AUH: variants seen among roughly 807,000 people sequenced by gnomAD.
AUH encodes the protein methylglutaconyl-CoA hydratase, mitochondrial.
AUH carries 29 observed loss-of-function variants against 42.3 expected under a neutral mutation model. The ratio of observed to expected loss-of-function variants is 0.69; its 90% CI spans 0.51 to 0.93. The LOEUF is 0.93. AUH is among the 40% of genes least tolerant of loss of function. The probability of loss-of-function intolerance (pLI) is 0.00; values close to 1 mark genes in which losing one functional copy is unlikely to be tolerated. For missense variants in AUH, 452 were observed against 438.1 expected (o/e 1.03, Z -0.28); for synonymous variants, 174 against 166.4 (o/e 1.05, Z -0.35).
chr9:91,217,631 A>G (rs1435401796), intron 7 of AUH, among the ~76,000 whole-genome samples: 3 of 152,176 alleles, frequency 2.0e-5, no homozygotes, highest in African/African-American at 4.8e-5. Context: ...ACTTCCTAGA[A>G]GTTAAGTAGA....
Position 91,355,968 on chromosome 9 carries a change from T to G in AUH, c.333A>C (p.Leu111=). 6.2e-6 allele frequency: 10 copies of G among 1,612,496 alleles called. No individual in the cohort carries two copies. The highest frequency in any genetic ancestry group is 8.5e-6 in the Non-Finnish European group (10 of 1,179,206). ...ATTTCAAAGCATCCACAGCTTTTGA[T>G]AGCTAAACAGAAATAGGAAGCATAG... is the stretch of plus-strand genomic sequence containing the variant. ...NSLSKNLIKM[L]SKAVDALKSD... Residue 111 remains leucine, a splice_region_variant and synonymous_variant, in exon 3 of 10, where the codon CTA becomes CTC. Coordinates refer to ENST00000375731, the MANE Select transcript of AUH (RefSeq NM_001698.3).
At chr9:91,252,641 T>A (rs1810158764) in intron 6 of AUH, among the ~76,000 whole-genome samples, 1 of 152,162 alleles carries the variant, frequency 6.6e-6, no homozygotes, top group Non-Finnish European at 1.5e-5. Context: ...GGCACCTGGA[T>A]TACCAAAGAG....
chr9:91,221,322 C>T (rs1482723728), intron 6 of AUH, among the ~76,000 whole-genome samples: 2 of 152,182 alleles, frequency 1.3e-5, no homozygotes, highest in Non-Finnish European at 2.9e-5. Context: ...ATAGGCAGTA[C>T]CAGCCAGTAA....
chr9:91,307,141 G>T (rs1023852052), intron 4 of AUH, among the ~76,000 whole-genome samples: 1 of 152,194 alleles, frequency 6.6e-6, no homozygotes, highest in Non-Finnish European at 1.5e-5. Context: ...TTCTGGAGGT[G>T]ATGGACATAT....
chr9:91,241,879 T>G (rs559974937), intron 6 of AUH, among the ~76,000 whole-genome samples: 3 of 152,244 alleles, frequency 2.0e-5, no homozygotes, highest in Admixed American at 2.0e-4. Flanking sequence ...GCATAAACCA[T>G]GTAGTCTGTT....
chr9:91,348,646 G>A (rs757473684), intron 3 of AUH, among the ~76,000 whole-genome samples: 10 of 152,266 alleles, frequency 6.6e-5, no homozygotes, highest in Admixed American at 2.0e-4. Flanking sequence ...AAAGAGGTCA[G>A]ACACAAAAGA....
chr9:91,359,358 A>G (rs1336983878), intron 1 of AUH, among the ~76,000 whole-genome samples: 1 of 152,244 alleles, frequency 6.6e-6, no homozygotes, highest in Non-Finnish European at 1.5e-5. Context: ...ACGTATCTAC[A>G]TACAGAAATA....
intron 6 of AUH, among the ~76,000 whole-genome samples, chr9:91,285,674 C>T (rs1826346112): frequency 6.6e-6 from 1 of 152,122 alleles, no homozygotes; most frequent in Admixed American, 6.6e-5. Flanking sequence ...GTTTATTCCA[C>T]AGCTACTAAC....
chr9:91,221,004 A>G lies in AUH; in HGVS notation c.656-12T>C, dbSNP rs1564006256. On this transcript the variant is annotated splice_polypyrimidine_tract_variant and intron_variant, in intron 6 of 9. Transcript: ENST00000375731. ...TCGCTGTGTCCCCCCTGAGGGGTGA[A>G]AGAGAGAGAAAAGGCAATGATTTGA... is the stretch of plus-strand genomic sequence containing the variant. 7 of 1,613,928 alleles carry G rather than the reference A, an allele frequency of 4.3e-6. No homozygotes were observed. In the East Asian group the frequency reaches 8.9e-5, roughly 21 times the overall value.
At chr9:91,320,132 G>A (rs2131827644) in intron 4 of AUH, among the ~76,000 whole-genome samples, 1 of 152,104 alleles carries the variant, frequency 6.6e-6, no homozygotes, top group East Asian at 1.9e-4. Flanking sequence ...TTGGACATAT[G>A]GTAATTGTAT....
chr9:91,239,300 G>A (rs1419225118), intron 6 of AUH, among the ~76,000 whole-genome samples: 1 of 152,160 alleles, frequency 6.6e-6, no homozygotes, highest in East Asian at 1.9e-4. Flanking sequence ...GATATGCTTA[G>A]AAGTGATCTC....
intron 4 of AUH, among the ~76,000 whole-genome samples, chr9:91,308,344 G>C (rs375585611): frequency 6.6e-6 from 1 of 152,180 alleles, no homozygotes. Context: ...CTGGGCAAGA[G>C]AGCGAGACAC....
rs150965883 is a variant in AUH, at chr9:91,346,952, T to A, written c.418+8931A>T. On this transcript the variant is annotated intron_variant, in intron 3 of 9. Transcript: ENST00000375731. Reference sequence around the variant, plus strand: ...TAGGGCAAGGTATGGGAAGAGGGAGTACAGAGCTTCCATGCCCTCTTTAGG... The same window carrying A: ...TAGGGCAAGGTATGGGAAGAGGGAGAACAGAGCTTCCATGCCCTCTTTAGG... Among the ~76,000 whole-genome samples, 91 of 150,500 alleles carry A rather than the reference T, an allele frequency of 6.0e-4. 1 individual carries two copies. The highest frequency in any genetic ancestry group is 2.1e-3 in the African/African-American group (86 of 40,848).
chr9:91,361,142 A>G lies in AUH; in HGVS notation c.262+486T>C, dbSNP rs1564140015. Among the ~76,000 whole-genome samples, 8 of 152,354 alleles carry G rather than the reference A, an allele frequency of 5.3e-5. No homozygotes were observed. In the South Asian group the frequency reaches 1.4e-3, roughly 28 times the overall value. On this transcript the variant is annotated intron_variant, in intron 1 of 9. Coordinates refer to ENST00000375731, the MANE Select transcript of AUH (RefSeq NM_001698.3). ...ACAGTCCCTCAAGACTAACTTTCTA[A>G]GAGAAAATGAACAAGAGGAAAAATT...
intron 3 of AUH, among the ~76,000 whole-genome samples, chr9:91,344,358 A>G (rs753342476): frequency 6.6e-5 from 10 of 152,120 alleles, no homozygotes; most frequent in Admixed American, 4.6e-4. Flanking sequence ...ACCTGTCCAG[A>G]CTGAACCAAC....
At position 91,214,273 on chromosome 9, in the gene AUH, G is replaced by A; in HGVS notation, c.*75C>T. 8.0e-7 allele frequency: 1 copy of A among 1,245,452 alleles called. No individual in the cohort carries two copies. The highest frequency in any genetic ancestry group is 2.5e-5 in the East Asian group (1 of 40,370). The allele number at this position is 1,245,452 out of a possible 1,614,324, so 77.2% of individuals were successfully genotyped here. ...TGGTCATTAAGGTTCCATGTGCTGA[G>A]GCATATAGTGGATCCGAAAGACACT... is the stretch of plus-strand genomic sequence containing the variant. On this transcript the variant is annotated 3_prime_UTR_variant, in exon 10 of 10. Coordinates refer to ENST00000375731, the MANE Select transcript of AUH (RefSeq NM_001698.3).
intron 6 of AUH, among the ~76,000 whole-genome samples, chr9:91,230,315 T>C (rs1375565254): frequency 6.6e-6 from 1 of 152,236 alleles, no homozygotes; most frequent in Non-Finnish European, 1.5e-5. Flanking sequence ...CATCTTCCAT[T>C]GCTGATACCT....
intron 6 of AUH, among the ~76,000 whole-genome samples, chr9:91,225,821 G>C (rs1396857113): frequency 4.0e-5 from 6 of 151,346 alleles, no homozygotes; most frequent in Admixed American, 6.6e-5. Flanking sequence ...TTTGTTCTTG[G>C]GATAGTTTAC....
chr9:91,294,671 C>G (rs747940680), intron 6 of AUH: 1 of 455,272 alleles, frequency 2.2e-6, no homozygotes, highest in Admixed American at 2.4e-5. Flanking sequence ...CATTCTAGAT[C>G]CCTTTAAGAA....
Sources: allele counts gnomAD v4.1 joint callset (sites outside exome capture counted in the v4.1 genomes callset), GRCh38; gene constraint gnomAD v4.1.1; transcripts MANE v1.5; gene names NCBI Gene and HGNC (gene_info 2026-07-23, HGNC 2026-07-21).